VNN1: variants seen among roughly 807,000 people sequenced by gnomAD.
The protein encoded by VNN1 is pantetheinase.
A neutral mutation model predicts 41.9 loss-of-function variants in VNN1; 29 were observed. That is an observed-to-expected ratio of 0.69 (90% CI 0.52 to 0.94). VNN1 has a LOEUF of 0.94. VNN1 is among the 40% of genes least tolerant of loss of function. The pLI is 0.00. For synonymous variants in VNN1, 233 were observed against 224.4 expected (o/e 1.04, Z -0.34); for missense variants, 637 against 621.1 (o/e 1.03, Z -0.27).
intron 1 of VNN1, among the ~76,000 whole-genome samples, chr6:132,712,393 G>A (rs1454901165): frequency 1.3e-5 from 2 of 151,974 alleles, no homozygotes; most frequent in Non-Finnish European, 2.9e-5. Flanking sequence ...CAGGTGATCC[G>A]CCTGCTTCAG....
intron 2 of VNN1, among the ~76,000 whole-genome samples, chr6:132,702,564 C>T (rs1445354377): frequency 6.6e-6 from 1 of 152,120 alleles, no homozygotes. Flanking sequence ...TTGCATCAAC[C>T]CTCCTCCAAC....
At chr6:132,708,682 C>A (rs555104204) in intron 2 of VNN1, among the ~76,000 whole-genome samples, 2 of 152,156 alleles carry the variant, frequency 1.3e-5, no homozygotes, top group African/African-American at 4.8e-5. Context: ...AAACTTTATT[C>A]GGAATCTGTC....
intron 5 of VNN1, among the ~76,000 whole-genome samples, chr6:132,689,986 T>G (rs190981457): frequency 1.3e-5 from 2 of 152,220 alleles, no homozygotes; most frequent in Non-Finnish European, 2.9e-5. Flanking sequence ...TGCCACATTC[T>G]GGACTCTCCA....
At chr6:132,683,816 A>G (rs1014168415) in intron 6 of VNN1, among the ~76,000 whole-genome samples, 2 of 152,224 alleles carry the variant, frequency 1.3e-5, no homozygotes, top group Non-Finnish European at 2.9e-5. Flanking sequence ...TCAGCGAAAG[A>G]ATGTGGCTGG....
intron 5 of VNN1, among the ~76,000 whole-genome samples, chr6:132,685,437 T>C (rs1341212544): frequency 1.3e-5 from 2 of 152,198 alleles, no homozygotes; most frequent in Non-Finnish European, 2.9e-5. Flanking sequence ...GGGATAGAAG[T>C]AACTTTCAGG....
chr6:132,713,049 C>G (rs1163204804), intron 1 of VNN1, among the ~76,000 whole-genome samples: 1 of 152,158 alleles, frequency 6.6e-6, no homozygotes, highest in African/African-American at 2.4e-5. Flanking sequence ...GTGGGAGAAT[C>G]ACCTGAGCCC....
chr6:132,711,880 A>G, intron 1 of VNN1, 41 bp from the exon 2 acceptor site: 1 of 1,602,446 alleles, frequency 6.2e-7, no homozygotes, highest in East Asian at 2.3e-5. Flanking sequence ...GGCCTGCAAG[A>G]GGAGCTGAGG....
chr6:132,708,404 T>C (rs1778549423), intron 2 of VNN1, among the ~76,000 whole-genome samples: 1 of 152,122 alleles, frequency 6.6e-6, no homozygotes, highest in Non-Finnish European at 1.5e-5. Context: ...CAAATCCTTC[T>C]GGAACGATAT....
At chr6:132,705,643 C>T (rs1007465055) in intron 2 of VNN1, among the ~76,000 whole-genome samples, 3 of 152,198 alleles carry the variant, frequency 2.0e-5, no homozygotes, top group Admixed American at 2.0e-4. Context: ...CACTATTATT[C>T]AACATAGTAG....
chr6:132,693,220 T>G lies in VNN1; in HGVS notation c.630A>C (p.Thr210=). The part of the protein sequence containing the change: ...NTTFGSFGIF[T]CFDILFHDPA... ...GATCATGGAAGAGTATATCAAAGCA[T>G]GTGAAAATGCCAAAACTTCCAAAGG... The change falls in exon 4 of 7, where the codon ACA becomes ACC. Residue 210 remains threonine (T), a synonymous_variant. Coordinates refer to ENST00000367928, the MANE Select transcript of VNN1 (RefSeq NM_004666.3). 1.2e-6 allele frequency: 2 copies of G among 1,614,106 alleles called. No homozygotes were observed. Among genetic ancestry groups the G allele is most frequent in the Non-Finnish European group, 8.5e-7 (1 of 1,179,988 alleles).
intron 2 of VNN1, among the ~76,000 whole-genome samples, chr6:132,710,769 C>G (rs538852647): frequency 1.3e-5 from 2 of 152,164 alleles, no homozygotes; most frequent in Admixed American, 1.3e-4. Flanking sequence ...ATCCAGTCTA[C>G]CATTGATGGG....
rs150491349 is a variant in VNN1 at position 132,704,026 on chromosome 6, G to T, written c.341+7683C>A. On this transcript the variant is annotated intron_variant, in intron 2 of 6. Transcript: ENST00000367928. Reference sequence around the variant, plus strand: ...GAGGATATAACAATTGAGCACACAAGTGTGCTAACACTTGAGCACACAGAT... The same window carrying T: ...GAGGATATAACAATTGAGCACACAATTGTGCTAACACTTGAGCACACAGAT... Among the ~76,000 whole-genome samples, 200 of 152,162 alleles carry T rather than the reference G, an allele frequency of 1.3e-3. 1 individual carries two copies. The highest frequency in any genetic ancestry group is 2.4e-3 in the Admixed American group (37 of 15,294).
At chr6:132,711,884 G>A in intron 1 of VNN1, 45 bp from the exon 2 acceptor site, 1 of 1,602,100 alleles carries the variant, frequency 6.2e-7, no homozygotes. Context: ...TGCAAGAGGA[G>A]CTGAGGAGCT....
intron 2 of VNN1, among the ~76,000 whole-genome samples, chr6:132,704,137 A>T (rs1778486434): frequency 6.6e-6 from 1 of 152,106 alleles, no homozygotes; most frequent in Admixed American, 6.5e-5. Context: ...TACTTTCAGC[A>T]TTGGACAGAT....
chr6:132,692,928 T>C, intron 4 of VNN1, 96 bp downstream of exon 4: 1 of 1,306,466 alleles, frequency 7.7e-7, no homozygotes, highest in Non-Finnish European at 1.0e-6. Flanking sequence ...TGGAAAACAT[T>C]GTATTAAGGA....
At chr6:132,706,747 A>T (rs1326650646) in intron 2 of VNN1, among the ~76,000 whole-genome samples, 2 of 152,166 alleles carry the variant, frequency 1.3e-5, no homozygotes. Context: ...AAATATGTGC[A>T]AACTATCCAT....
chr6:132,692,883 G>A, intron 4 of VNN1, 141 bp downstream of exon 4: 2 of 1,037,058 alleles, frequency 1.9e-6, no homozygotes, highest in Non-Finnish European at 2.7e-6. Flanking sequence ...TGATTCTATA[G>A]CATATTAACA....
At chr6:132,687,989 G>T (rs1286869518) in intron 5 of VNN1, among the ~76,000 whole-genome samples, 1 of 151,992 alleles carries the variant, frequency 6.6e-6, no homozygotes, top group Non-Finnish European at 1.5e-5. Flanking sequence ...GCAAGATAGG[G>T]GTTTATTTCA....
At chr6:132,711,928 C>T (rs926879977) in intron 1 of VNN1, 89 bp from the exon 2 acceptor site, 33 of 1,333,954 alleles carry the variant, frequency 2.5e-5, no homozygotes, top group African/African-American at 1.8e-4. Flanking sequence ...GGGCTTCCCC[C>T]ACACCCCTTA....
Sources: gnomAD v4.1 joint callset for allele counts (sites outside exome capture counted in the v4.1 genomes callset) on GRCh38, gnomAD v4.1.1 for gene constraint, MANE v1.5 for transcripts, NCBI Gene and HGNC (gene_info 2026-07-23, HGNC 2026-07-21) for gene names.